The following PCDH7 variants were observed in gnomAD, a reference collection of about 807,000 sequenced individuals.
The protein encoded by PCDH7 is protocadherin-7.
A neutral mutation model predicts 58.9 loss-of-function variants in PCDH7; 17 were observed. The observed-to-expected ratio is 0.29, with a 90% CI of 0.20 to 0.43. PCDH7 has a LOEUF of 0.43. Ranked by LOEUF, PCDH7 falls within the 20% of genes least tolerant of loss-of-function variation. PCDH7 has a pLI of 1.00. For synonymous variants in PCDH7, 664 were observed against 616.4 expected, an observed-to-expected ratio of 1.08 and a Z score of -1.14; for missense variants, 1,274 against 1,441.0, an observed-to-expected ratio of 0.88 and a Z score of 1.88.
chr4:30,850,339 CCTCCCT>C (rs1353227897), intron 1 of PCDH7, among the ~76,000 whole-genome samples: 1 of 152,002 alleles, frequency 6.6e-6, no homozygotes, highest in Non-Finnish European at 1.5e-5. Flanking sequence ...TTGATTTTCC[CCTCCCT>C]CTACCTTCAA....
intron 1 of PCDH7, among the ~76,000 whole-genome samples, chr4:30,765,125 CT>C (rs10692198): frequency 0.17 from 8,278 of 48,568 alleles, 553 homozygotes; most frequent in East Asian, 0.4. Context: ...ACTTCAGATG[CT>C]TTTTTTTTTT....
At chr4:30,804,648 C>A (rs530563669) in intron 1 of PCDH7, among the ~76,000 whole-genome samples, 21 of 152,220 alleles carry the variant, frequency 1.4e-4, no homozygotes, top group African/African-American at 4.8e-4. Flanking sequence ...AGAGAGCAGT[C>A]CTCACTAGAC....
intron 3 of PCDH7, among the ~76,000 whole-genome samples, chr4:30,999,806 A>C (rs1248752593): frequency 6.6e-6 from 1 of 152,104 alleles, no homozygotes; most frequent in Non-Finnish European, 1.5e-5. Flanking sequence ...TAATGTGTTA[A>C]AGTAAGAAGT....
chr4:30,968,371 A>T (rs1406926703), intron 3 of PCDH7, among the ~76,000 whole-genome samples: 1 of 102,388 alleles, frequency 9.8e-6, no homozygotes, highest in Non-Finnish European at 2.0e-5. Context: ...ATATATATAC[A>T]CACACTATAT....
At chr4:30,857,007 A>G (rs1442982053) in intron 1 of PCDH7, among the ~76,000 whole-genome samples, 1 of 151,868 alleles carries the variant, frequency 6.6e-6, no homozygotes, top group Non-Finnish European at 1.5e-5. Context: ...AGTGGTGGTG[A>G]CTCAACGTGG....
chr4:30,867,297 G>A (rs1207444713), intron 1 of PCDH7, among the ~76,000 whole-genome samples: 4 of 152,094 alleles, frequency 2.6e-5, no homozygotes, highest in East Asian at 1.9e-4. Flanking sequence ...GTGAGGGTCC[G>A]TCTTAGTATT....
At chr4:30,816,419 C>A (rs548506114) in intron 1 of PCDH7, among the ~76,000 whole-genome samples, 1 of 152,124 alleles carries the variant, frequency 6.6e-6, no homozygotes, top group Non-Finnish European at 1.5e-5. Flanking sequence ...AACACATTTT[C>A]TTGTGACAAC....
chr4:30,943,725 T>G (rs1034962486), intron 2 of PCDH7, among the ~76,000 whole-genome samples: 2 of 141,348 alleles, frequency 1.4e-5, no homozygotes, highest in Non-Finnish European at 3.1e-5. Flanking sequence ...TTTTTTGCTG[T>G]TTTTTTTTTT....
intron 1 of PCDH7, among the ~76,000 whole-genome samples, chr4:30,883,308 C>A (rs1578158154): frequency 2.0e-5 from 3 of 152,340 alleles, no homozygotes; most frequent in African/African-American, 7.2e-5. Context: ...AAGCCAAATT[C>A]TCCCAGTACT....
chr4:31,028,865 A>G (rs1372094306), intron 3 of PCDH7, among the ~76,000 whole-genome samples: 1 of 152,198 alleles, frequency 6.6e-6, no homozygotes, highest in Non-Finnish European at 1.5e-5. Flanking sequence ...AAAAAAATAG[A>G]AAAACAAATT....
chr4:30,763,577 A>G (rs1720320337), intron 1 of PCDH7, among the ~76,000 whole-genome samples: 1 of 152,206 alleles, frequency 6.6e-6, no homozygotes, highest in Admixed American at 6.5e-5. Flanking sequence ...CTGTTACCTC[A>G]TGGGTATAGC....
At chr4:30,987,174 A>C (rs1025240985) in intron 3 of PCDH7, among the ~76,000 whole-genome samples, 1 of 152,094 alleles carries the variant, frequency 6.6e-6, no homozygotes, top group African/African-American at 2.4e-5. Flanking sequence ...ACTACTCCAA[A>C]ATCTTCTTAA....
At chr4:30,812,628 A>G (rs1209296810) in intron 1 of PCDH7, among the ~76,000 whole-genome samples, 1 of 152,160 alleles carries the variant, frequency 6.6e-6, no homozygotes, top group Non-Finnish European at 1.5e-5. Context: ...AGTATATGCT[A>G]TTGTGTTAAT....
At chr4:31,021,472 T>C (rs529776276) in intron 3 of PCDH7, among the ~76,000 whole-genome samples, 10 of 152,296 alleles carry the variant, frequency 6.6e-5, no homozygotes, top group African/African-American at 2.4e-4. Context: ...TGGTCAGAAA[T>C]ATGCTAACTG....
intron 1 of PCDH7, among the ~76,000 whole-genome samples, chr4:30,836,816 C>T (rs1246359312): frequency 6.6e-6 from 1 of 152,064 alleles, no homozygotes; most frequent in African/African-American, 2.4e-5. Context: ...AATCCCACCA[C>T]GAATACACCC....
intron 1 of PCDH7, among the ~76,000 whole-genome samples, chr4:30,867,403 TACA>T (rs1735011957): frequency 6.6e-6 from 1 of 152,126 alleles, no homozygotes. Flanking sequence ...TGTAATTATT[TACA>T]ACATTTGTCC....
intron 3 of PCDH7, among the ~76,000 whole-genome samples, chr4:30,972,806 C>G (rs1455060705): frequency 6.6e-6 from 1 of 152,156 alleles, no homozygotes; most frequent in African/African-American, 2.4e-5. Context: ...CCCACTCTAC[C>G]ACACGGAGTG....
intron 3 of PCDH7, among the ~76,000 whole-genome samples, chr4:31,140,784 T>TA (rs142150741): frequency 0.059 from 8,909 of 151,988 alleles, 334 homozygotes; most frequent in South Asian, 0.11. Flanking sequence ...CAATTTAGGG[T>TA]AAAAAAATGA....
rs1330075518 is a variant in PCDH7, at chr4:30,723,931, G to T, written c.2509G>T (p.Val837Leu). The T allele has an allele frequency of 1.2e-6, 2 of 1,613,966 alleles. No individual in the cohort carries two copies. Among genetic ancestry groups the T allele is most frequent in the African/African-American group, 1.3e-5 (1 of 74,918 alleles). Residue 837 changes from valine to leucine, a missense_variant, in exon 1 of 2, where the codon GTG becomes TTG. Coordinates refer to ENST00000361762, the Ensembl canonical transcript of PCDH7. This position sits in a 1 kb window ranked among gnomAD's most constrained non-coding sequence, Gnocchi z 4.6. ...CCAGTCCACCACGACTCTGGTGCAC[G>T]TGTTTGTCAATGAAAGTGTTTCTAA...
Sources: gnomAD v4.1 joint callset for allele counts (sites outside exome capture counted in the v4.1 genomes callset) on GRCh38, gnomAD v4.1.1 for gene constraint, Gnocchi (gnomAD v3.1) non-coding constraint, MANE v1.5 for transcripts, NCBI Gene and HGNC (gene_info 2026-07-23, HGNC 2026-07-21) for gene names.